MCOLN2: variants seen among roughly 807,000 people sequenced by gnomAD.
MCOLN2 encodes mucolipin-2.
Under a neutral mutation model 67.5 loss-of-function variants are expected in MCOLN2, and 57 were observed. The observed-to-expected ratio is 0.84, with a 90% CI of 0.68 to 1.05. The LOEUF (loss-of-function observed/expected upper bound fraction) is 1.05. Ranked by LOEUF, MCOLN2 falls within the 50% of genes least tolerant of loss-of-function variation. The probability of loss-of-function intolerance (pLI) is 0.00; values close to 1 mark genes in which losing one functional copy is unlikely to be tolerated. For synonymous variants in MCOLN2, 246 were observed against 233.3 expected, an observed-to-expected ratio of 1.05 and a Z score of -0.50; for missense variants, 620 against 678.8, an observed-to-expected ratio of 0.91 and a Z score of 0.96.
intron 7 of MCOLN2, among the ~76,000 whole-genome samples, chr1:84,942,483 G>A (rs560691095): frequency 6.6e-6 from 1 of 152,300 alleles, no homozygotes; most frequent in African/African-American, 2.4e-5. Context: ...TAGGGCTATT[G>A]TGAAAATTAT....
intron 6 of MCOLN2, among the ~76,000 whole-genome samples, chr1:84,948,025 A>G (rs886323445): frequency 2.0e-5 from 3 of 152,238 alleles, no homozygotes; most frequent in Non-Finnish European, 4.4e-5. Context: ...CACTTGGGCC[A>G]CACAGTTGGC....
chr1:84,941,557 C>T (rs1647787147), intron 7 of MCOLN2, among the ~76,000 whole-genome samples: 1 of 152,154 alleles, frequency 6.6e-6, no homozygotes. Flanking sequence ...AATAAATTCA[C>T]TCAAATTTAT....
intron 6 of MCOLN2, among the ~76,000 whole-genome samples, chr1:84,948,084 C>T (rs1051833082): frequency 6.6e-6 from 1 of 152,236 alleles, no homozygotes; most frequent in Non-Finnish European, 1.5e-5. Context: ...GCTGTAACTT[C>T]GCATCTCTAA....
intron 8 of MCOLN2, 132 bp from the exon 9 acceptor site, chr1:84,939,834 G>A (rs75279379): frequency 2.1e-5 from 17 of 824,778 alleles, no homozygotes; most frequent in African/African-American, 1.7e-4. Context: ...GATCCACCTC[G>A]AAAGTGGAGG....
intron 7 of MCOLN2, 79 bp downstream of exon 7, chr1:84,946,954 C>A: frequency 4.2e-6 from 3 of 709,208 alleles, no homozygotes; most frequent in African/African-American, 1.8e-5. Context: ...GCAAACAAAC[C>A]ATTTAAATAC....
chr1:84,952,962 A>G (rs586403), intron 4 of MCOLN2, among the ~76,000 whole-genome samples: 11,027 of 152,326 alleles, frequency 0.072, 1,387 homozygotes, highest in African/African-American at 0.25. Flanking sequence ...CTGAAAAGAC[A>G]TAACATGACA....
chr1:84,996,728 T>C, intron 1 of MCOLN2, 68 bp downstream of exon 1: 2 of 1,428,656 alleles, frequency 1.4e-6, no homozygotes, highest in Non-Finnish European at 2.0e-6. Context: ...TCTACGAAAG[T>C]AAAGCCATCG....
chr1:84,996,406 A>ATATATATATATATG (rs1651152855), intron 1 of MCOLN2, among the ~76,000 whole-genome samples: 1 of 33,176 alleles, frequency 3.0e-5, no homozygotes, highest in Non-Finnish European at 8.2e-5. Context: ...ATATATATAT[A>ATATATATATATATG]TATATATATA....
At chr1:84,951,533 TGGA>T (rs1288021415) in intron 6 of MCOLN2, among the ~76,000 whole-genome samples, 1 of 152,232 alleles carries the variant, frequency 6.6e-6, no homozygotes, top group East Asian at 1.9e-4. Flanking sequence ...TTCACATCAG[TGGA>T]GCAGTTTATG....
intron 3 of MCOLN2, among the ~76,000 whole-genome samples, chr1:84,956,813 AGCCAAAG>A (rs1648821394): frequency 3.9e-5 from 6 of 152,198 alleles, no homozygotes; most frequent in African/African-American, 1.4e-4. Flanking sequence ...CACCTCACTC[AGCCAAAG>A]CCAAGGTCCT....
At chr1:84,977,745 A>C (rs959351336) in intron 1 of MCOLN2, among the ~76,000 whole-genome samples, 2 of 152,112 alleles carry the variant, frequency 1.3e-5, no homozygotes, top group Non-Finnish European at 2.9e-5. Context: ...TAGAAAGCAA[A>C]TATTATTAGA....
intron 1 of MCOLN2, among the ~76,000 whole-genome samples, chr1:84,988,643 C>G (rs1054392032): frequency 6.6e-6 from 1 of 152,164 alleles, no homozygotes; most frequent in Non-Finnish European, 1.5e-5. Flanking sequence ...ACTGTCATCT[C>G]TTACCCAACT....
Position 84,956,487 on chromosome 1 carries a change from T to G in MCOLN2, c.509A>C (p.Lys170Thr). The part of the protein sequence containing the change: ...GLKVCKQHYK[K>T]GTMFPSNETL... ...CTCATTAGAAGGAAACATGGTCCCT[T>G]TCTTGTAATGCTGCTTACAGACTTT... Residue 170 changes from lysine to threonine, a missense_variant, in exon 4 of 14, where the codon AAA (lysine) becomes ACA (threonine). Physicochemically the swap from Lys to Thr is moderately conservative, Grantham distance 78 (BLOSUM62 -1). Coordinates refer to ENST00000370608, the MANE Select transcript of MCOLN2 (RefSeq NM_153259.4). The G allele has an allele frequency of 1.2e-6, 2 of 1,612,048 alleles. No individual in the cohort carries two copies. The highest frequency in any genetic ancestry group is 1.7e-6 in the Non-Finnish European group (2 of 1,179,364).
chr1:84,980,093 C>A (rs1261803313), intron 1 of MCOLN2, among the ~76,000 whole-genome samples: 3 of 152,050 alleles, frequency 2.0e-5, no homozygotes, highest in South Asian at 2.1e-4. Flanking sequence ...AAATAAAATA[C>A]CTAGAAATTA....
At chr1:84,971,677 C>A (rs1297766969) in intron 1 of MCOLN2, among the ~76,000 whole-genome samples, 1 of 152,148 alleles carries the variant, frequency 6.6e-6, no homozygotes, top group Non-Finnish European at 1.5e-5. Context: ...TTATTTAACA[C>A]ATATTTACCC....
chr1:84,929,970 T>C (rs1661332395), intron 12 of MCOLN2: 1 of 219,600 alleles, frequency 4.6e-6, no homozygotes, highest in Non-Finnish European at 9.2e-6. Flanking sequence ...TAATCAAAAG[T>C]CAAATGTCTA....
At chr1:84,965,806 C>A in intron 1 of MCOLN2, 98 bp from the exon 2 acceptor site, 63 of 1,007,084 alleles carry the variant, frequency 6.3e-5, no homozygotes, top group Middle Eastern at 2.4e-4. Context: ...GTACATATGG[C>A]ATGTCATATA....
At chr1:84,962,162 A>C (rs1649121126) in intron 2 of MCOLN2, among the ~76,000 whole-genome samples, 1 of 152,244 alleles carries the variant, frequency 6.6e-6, no homozygotes, top group South Asian at 2.1e-4. Flanking sequence ...TGGAAACAAA[A>C]GTTTAATCCT....
intron 4 of MCOLN2, among the ~76,000 whole-genome samples, chr1:84,955,314 AG>A (rs1339584463): frequency 6.6e-6 from 1 of 152,154 alleles, no homozygotes; most frequent in Non-Finnish European, 1.5e-5. Context: ...ACTAATACAG[AG>A]GGGGAGTCCA....
Sources: allele counts gnomAD v4.1 joint callset (sites outside exome capture counted in the v4.1 genomes callset), GRCh38; gene constraint gnomAD v4.1.1; transcripts MANE v1.5; gene names NCBI Gene and HGNC (gene_info 2026-07-23, HGNC 2026-07-21).